Variants in CELF4 observed in about 807,000 individuals in gnomAD.
The protein encoded by CELF4 is CUGBP Elav-like family member 4.
CELF4 carries 18 observed loss-of-function variants against 59.9 expected under a neutral mutation model. The observed-to-expected ratio is 0.30, with a 90% confidence interval of 0.21 to 0.45. The LOEUF (loss-of-function observed/expected upper bound fraction) is 0.45, where lower values mean the gene tolerates loss of function less well. CELF4 is among the 20% of genes least tolerant of loss of function. CELF4 has a pLI of 1.00. For synonymous variants in CELF4, 261 were observed against 267.1 expected, an observed-to-expected ratio of 0.98 and a Z score of 0.22; for missense variants, 456 against 689.0, an observed-to-expected ratio of 0.66 and a Z score of 3.79.
chr18:37,397,294 G>GAC (rs5824053), intron 2 of CELF4, among the ~76,000 whole-genome samples: 128,894 of 152,028 alleles, frequency 0.85, 54,700 homozygotes, highest in East Asian at 0.93. Flanking sequence ...CATCTTGGCA[G>GAC]ACCTCATTTA....
chr18:37,430,943 C>G (rs557592561), intron 2 of CELF4, among the ~76,000 whole-genome samples: 11 of 152,352 alleles, frequency 7.2e-5, no homozygotes, highest in African/African-American at 2.6e-4. Context: ...CTCCCCCACA[C>G]TCCCATCCAT....
chr18:37,244,162 A>ATTTTTTTTTTTTTTTTTT lies in CELF4; in HGVS notation c.*1079_*1080insAAAAAAAAAAAAAAAAAA, dbSNP rs58947703. ...CTATAGGTTTTTTTTTTCCTTTTTT[A>ATTTTTTTTTTTTTTTTTT]TTTTTTTTTTTTATTTTTTGCTTTC... is the stretch of plus-strand genomic sequence containing the variant. On this transcript the variant is annotated 3_prime_UTR_variant, in exon 13 of 13. Coordinates refer to ENST00000420428, the MANE Select transcript of CELF4 (RefSeq NM_020180.4). 6.9e-6 allele frequency: 1 copy of ATTTTTTTTTTTTTTTTTT among 144,748 alleles called. No homozygotes were observed. The allele number at this position is 144,748 out of a possible 1,614,324, so 9.0% of individuals were successfully genotyped here. A position where few individuals can be genotyped will look rare whatever the true frequency, so the allele number is the denominator to read the frequency against.
chr18:37,487,709 C>T (rs1035900621), intron 1 of CELF4, among the ~76,000 whole-genome samples: 2 of 152,164 alleles, frequency 1.3e-5, no homozygotes, highest in South Asian at 4.1e-4. Flanking sequence ...GGCAAGCCAG[C>T]TTGGGACAAG....
intron 2 of CELF4, among the ~76,000 whole-genome samples, chr18:37,464,733 C>T (rs888110246): frequency 2.0e-5 from 3 of 151,962 alleles, no homozygotes; most frequent in Non-Finnish European, 4.4e-5. Flanking sequence ...TGGAGAAGCC[C>T]AAATTTTAGC....
At chr18:37,466,889 C>T (rs1369925530) in intron 2 of CELF4, among the ~76,000 whole-genome samples, 4 of 152,070 alleles carry the variant, frequency 2.6e-5, no homozygotes, top group South Asian at 2.1e-4. Context: ...GAGCTTGGGG[C>T]GGACATAGGA....
At chr18:37,427,689 C>T (rs971987520) in intron 2 of CELF4, among the ~76,000 whole-genome samples, 22 of 152,220 alleles carry the variant, frequency 1.4e-4, no homozygotes, top group Admixed American at 1.4e-3. Flanking sequence ...CCTTCCTGCT[C>T]AAGGCCCTGG....
intron 1 of CELF4, among the ~76,000 whole-genome samples, chr18:37,535,816 C>T (rs750836814): frequency 3.9e-5 from 6 of 152,132 alleles, no homozygotes; most frequent in East Asian, 1.9e-4. Context: ...ACACTGGCCA[C>T]GCAGCGAGAG....
chr18:37,405,546 C>A (rs1433765386), intron 2 of CELF4, among the ~76,000 whole-genome samples: 1 of 152,242 alleles, frequency 6.6e-6, no homozygotes, highest in East Asian at 1.9e-4. Context: ...TACACCTTAC[C>A]AACAAGGCCA....
At chr18:37,466,649 AATGCTGGGTCCAC>A (rs2099809861) in intron 2 of CELF4, among the ~76,000 whole-genome samples, 1 of 152,198 alleles carries the variant, frequency 6.6e-6, no homozygotes, top group Admixed American at 6.5e-5. Context: ...GCCTTGTGCC[AATGCTGGGTCCAC>A]ATGAATAAGT....
intron 1 of CELF4, among the ~76,000 whole-genome samples, chr18:37,554,297 T>C (rs1349144741): frequency 1.3e-5 from 2 of 152,156 alleles, no homozygotes; most frequent in African/African-American, 4.8e-5. Context: ...TCCCGCAGGC[T>C]GGATGTGAGC....
intron 1 of CELF4, among the ~76,000 whole-genome samples, chr18:37,514,076 A>G (rs1479475178): frequency 1.3e-5 from 2 of 151,964 alleles, no homozygotes; most frequent in African/African-American, 2.4e-5. Flanking sequence ...GTCCCTAGAA[A>G]TGTGGAGACA....
intron 2 of CELF4, among the ~76,000 whole-genome samples, chr18:37,322,348 C>T (rs1398512140): frequency 6.6e-6 from 1 of 152,248 alleles, no homozygotes; most frequent in Admixed American, 6.5e-5. Flanking sequence ...TTGATCCCAG[C>T]CCGTACCAGC....
chr18:37,302,259 T>A (rs1278658855), intron 3 of CELF4, among the ~76,000 whole-genome samples: 1 of 151,962 alleles, frequency 6.6e-6, no homozygotes, highest in Non-Finnish European at 1.5e-5. Context: ...TCTCCTATCC[T>A]CTCCTGCTGC....
rs558534837 is a variant in CELF4 at position 37,484,265 on chromosome 18, G to A, written c.369+1260C>T. Among the ~76,000 whole-genome samples, 146 of 152,236 alleles carry A rather than the reference G, an allele frequency of 9.6e-4. 1 individual carries two copies. The highest frequency in any genetic ancestry group is 3.0e-3 in the African/African-American group (126 of 41,540). On this transcript the variant is annotated intron_variant, in intron 2 of 12. Transcript: ENST00000420428. The stretch of plus-strand genomic sequence containing the variant: ...GAAGCCTTTGATTATCCTACAATAT[G>A]GCTTTATGCTTCACACATAACATGG...
intron 3 of CELF4, among the ~76,000 whole-genome samples, chr18:37,307,576 C>T (rs2096478620): frequency 6.6e-6 from 1 of 152,070 alleles, no homozygotes; most frequent in South Asian, 2.1e-4. Flanking sequence ...GCATCGGCCC[C>T]ACTGCCCACC....
chr18:37,466,076 G>C (rs1318537280), intron 2 of CELF4, among the ~76,000 whole-genome samples: 4 of 152,226 alleles, frequency 2.6e-5, no homozygotes, highest in Non-Finnish European at 4.4e-5. Flanking sequence ...TTCTAGGCCA[G>C]CTGGGATGAG....
At chr18:37,375,275 G>A (rs1021998689) in intron 2 of CELF4, among the ~76,000 whole-genome samples, 4 of 152,224 alleles carry the variant, frequency 2.6e-5, no homozygotes, top group Non-Finnish European at 5.9e-5. Flanking sequence ...TGTGTTGGGA[G>A]GGGGGCATTT....
Position 37,485,567 on chromosome 18 carries a change from C to T in CELF4, c.327G>A (p.Leu109=), listed in dbSNP as rs371812303. ...GCTCGTGCAGCGCGCTCTGGGCCTT[C>T]AGCGCTGACTCACGCTCGCAGTAGG... is the stretch of plus-strand genomic sequence containing the variant. ...FLTYCERESA[L]KAQSALHEQK... Residue 109 remains leucine, a synonymous_variant, in exon 2 of 13, where the codon CTG becomes CTA. Coordinates refer to ENST00000420428, the MANE Select transcript of CELF4 (RefSeq NM_020180.4). The T allele has an allele frequency of 4.4e-5, 64 of 1,457,808 alleles. No homozygotes were observed. Among genetic ancestry groups the T allele is most frequent in the Admixed American group, 4.1e-4 (19 of 46,778 alleles). 90.3% of individuals were successfully genotyped at this position (1,457,808 alleles called of 1,614,324 possible). A position where few individuals can be genotyped will look rare whatever the true frequency, so the allele number is the denominator to read the frequency against.
chr18:37,504,627 G>T (rs186905063), intron 1 of CELF4, among the ~76,000 whole-genome samples: 2 of 152,120 alleles, frequency 1.3e-5, no homozygotes, highest in African/African-American at 4.8e-5. Flanking sequence ...ACACATGCCT[G>T]GTGTACAGGC....
Sources: allele counts gnomAD v4.1 joint callset (sites outside exome capture counted in the v4.1 genomes callset), GRCh38; gene constraint gnomAD v4.1.1; transcripts MANE v1.5; gene names NCBI Gene and HGNC (gene_info 2026-07-23, HGNC 2026-07-21).